CHD2: variants seen among roughly 807,000 people sequenced by gnomAD.
CHD2 encodes the protein chromodomain helicase DNA binding protein 2, also known as ATP-dependent chromatin remodeler CHD2.
CHD2 carries 28 observed loss-of-function variants against 243.9 expected under a neutral mutation model. That is an observed-to-expected ratio of 0.11 (90% CI 0.09 to 0.16). CHD2 has a LOEUF of 0.16. CHD2 is among the 10% of genes least tolerant of loss of function. The pLI is 1.00. For synonymous variants in CHD2, 775 were observed against 779.0 expected (o/e 0.99, Z 0.09); for missense variants, 1,386 against 2,209.8 (o/e 0.63, Z 7.47).
intron 37 of CHD2, among the ~76,000 whole-genome samples, chr15:93,015,713 T>C (rs1030321119): frequency 6.6e-6 from 1 of 152,166 alleles, no homozygotes; most frequent in Admixed American, 6.5e-5. Context: ...GAATAGACAT[T>C]TCTCAAAAGA....
chr15:92,983,928 C>T (rs542179720), intron 24 of CHD2, among the ~76,000 whole-genome samples: 20 of 152,232 alleles, frequency 1.3e-4, no homozygotes, highest in African/African-American at 4.8e-4. Flanking sequence ...TTCAAATGAA[C>T]TCTATACAAC....
At chr15:92,990,918 G>C (rs979848863) in intron 26 of CHD2, among the ~76,000 whole-genome samples, 5 of 152,068 alleles carry the variant, frequency 3.3e-5, no homozygotes, top group African/African-American at 9.7e-5. Context: ...TGGGAGGAGA[G>C]GTCAGTAGAG....
intron 2 of CHD2, among the ~76,000 whole-genome samples, chr15:92,912,506 A>G (rs2052756029): frequency 6.6e-6 from 1 of 151,622 alleles, no homozygotes; most frequent in Non-Finnish European, 1.5e-5. Flanking sequence ...ACAGGTGTGC[A>G]CCACCGTGCC....
intron 26 of CHD2, 45 bp downstream of exon 26, chr15:92,985,718 A>G (rs1160761104): frequency 1.4e-5 from 22 of 1,571,020 alleles, no homozygotes; most frequent in Non-Finnish European, 1.9e-5. Context: ...GAAAGTGCGT[A>G]CTGTAAGTCT....
chr15:93,014,192 T>A (rs1231091933), intron 36 of CHD2, among the ~76,000 whole-genome samples: 3 of 152,178 alleles, frequency 2.0e-5, no homozygotes, highest in Non-Finnish European at 2.9e-5. Flanking sequence ...TTTGGGTCAC[T>A]TTATTTTTTT....
chr15:93,020,013 T>C lies in CHD2; in HGVS notation c.4908T>C (p.Asp1636=). The C allele has an allele frequency of 2.5e-6, 4 of 1,609,064 alleles. No homozygotes were observed. The highest frequency in any genetic ancestry group is 3.4e-6 in the Non-Finnish European group (4 of 1,175,890). ...AGATCATTCTTTCTTTTCCTGCAGA[T>C]CGAGGAGACTGGCAGAGGGAAAGAA... ...HPNKRHFSNA[D]RGDWQRERKF... Residue 1636 remains aspartate (D), a splice_region_variant and synonymous_variant, in exon 38 of 39, where the codon GAT becomes GAC. Coordinates refer to ENST00000394196, the MANE Select transcript of CHD2 (RefSeq NM_001271.4).
intron 37 of CHD2, among the ~76,000 whole-genome samples, chr15:93,015,735 T>C (rs936332266): frequency 6.6e-6 from 1 of 152,172 alleles, no homozygotes; most frequent in African/African-American, 2.4e-5. Flanking sequence ...GACATACAGA[T>C]TGCCAACAGG....
intron 16 of CHD2, among the ~76,000 whole-genome samples, chr15:92,960,712 T>TG: frequency 7.1e-6 from 1 of 140,404 alleles, no homozygotes; most frequent in Non-Finnish European, 1.6e-5. Context: ...GGTGTTTTTT[T>TG]TTTTTTTTTT....
At chr15:93,005,166 T>C (rs552309259) in intron 34 of CHD2, among the ~76,000 whole-genome samples, 2 of 152,286 alleles carry the variant, frequency 1.3e-5, no homozygotes, top group East Asian at 3.9e-4. Flanking sequence ...ACACAAATCA[T>C]GTTGGTGCCC....
At chr15:93,023,704 A>G (rs1567168253) in intron 38 of CHD2, among the ~76,000 whole-genome samples, 1 of 148,828 alleles carries the variant, frequency 6.7e-6, no homozygotes, top group Non-Finnish European at 1.5e-5. Flanking sequence ...GAGTATCTCC[A>G]TCTTCGTGGG....
At chr15:92,945,535 G>C (rs2053451426) in intron 10 of CHD2, 1 of 174,984 alleles carries the variant, frequency 5.7e-6, no homozygotes, top group African/African-American at 2.4e-5. Flanking sequence ...GGGATTACAG[G>C]CACCCCCCAC....
chr15:92,945,402 T>TG (rs1440524398), intron 10 of CHD2: 1 of 147,660 alleles, frequency 6.8e-6, no homozygotes, highest in Non-Finnish European at 1.5e-5. Context: ...CTTCTTTTTT[T>TG]TTTTTTTGAG....
At chr15:92,971,718 TTC>T (rs745542670) in intron 17 of CHD2, 45 bp from the exon 18 acceptor site, 7 of 1,550,302 alleles carry the variant, frequency 4.5e-6, no homozygotes, top group Middle Eastern at 1.7e-4. Flanking sequence ...ACCTACAACT[TTC>T]TGTTTTTTTG....
chr15:92,933,724 G>T (rs957041964), intron 5 of CHD2, among the ~76,000 whole-genome samples: 11 of 152,094 alleles, frequency 7.2e-5, no homozygotes, highest in African/African-American at 2.2e-4. Flanking sequence ...TCCCACCTTA[G>T]CCTCCTGAGT....
intron 3 of CHD2, among the ~76,000 whole-genome samples, chr15:92,925,482 T>G (rs1007969148): frequency 1.2e-4 from 18 of 152,238 alleles, no homozygotes; most frequent in African/African-American, 4.3e-4. Context: ...CTAGAATGCC[T>G]GGCTGGTATC....
intron 16 of CHD2, chr15:92,965,452 A>G (rs2053745774): frequency 7.5e-6 from 1 of 132,506 alleles, no homozygotes; most frequent in East Asian, 2.1e-4. Context: ...GCTGCTCAGG[A>G]GGCTGATGCA....
chr15:93,024,544 C>A lies in CHD2; in HGVS notation c.5326C>A (p.Pro1776Thr). 6.2e-7 allele frequency: 1 copy of A among 1,614,238 alleles called. No individual in the cohort carries two copies. The highest frequency in any genetic ancestry group is 1.1e-5 in the South Asian group (1 of 91,082). The change falls in exon 39 of 39, where the codon CCT becomes ACT. Residue 1776 changes from proline (P) to threonine (T), a missense_variant. Pro to Thr is a conservative substitution (Grantham distance 38). Coordinates refer to ENST00000394196, the MANE Select transcript of CHD2 (RefSeq NM_001271.4). ...HTDKLGEYKQ[P>T]LPPLHPAVSD... is the part of the protein sequence containing the mutation. Reference sequence around the variant, plus strand: ...AGATAAACTGGGGGAATATAAACAGCCTCTACCCCCATTGCACCCTGCAGT... The same window carrying A: ...AGATAAACTGGGGGAATATAAACAGACTCTACCCCCATTGCACCCTGCAGT...
chr15:93,020,114 A>G lies in CHD2; in HGVS notation c.5009A>G (p.Tyr1670Cys), dbSNP rs897082911. ...CACCATCAGTATGAGCAGCACTGGT[A>G]CAAGGACCACCATTATGGGGACCGG... ...DRHHQYEQHW[Y>C]KDHHYGDRRH... is the part of the protein sequence containing the mutation. Residue 1670 changes from tyrosine to cysteine, a missense_variant, in exon 38 of 39, where the codon TAC becomes TGC. Tyr to Cys is a radical substitution (Grantham distance 194). Coordinates refer to ENST00000394196, the MANE Select transcript of CHD2 (RefSeq NM_001271.4). 1 of 1,614,092 alleles carries G rather than the reference A, an allele frequency of 6.2e-7. No individual in the cohort carries two copies. The highest frequency in any genetic ancestry group is 1.7e-5 in the Admixed American group (1 of 60,002).
In CHD2 at chr15:92,939,635, A is replaced by C; in HGVS notation, c.609A>C (p.Lys203Asn). 2 of 1,614,126 alleles carry C rather than the reference A, an allele frequency of 1.2e-6. No individual in the cohort carries two copies. The highest frequency in any genetic ancestry group is 1.7e-6 in the Non-Finnish European group (2 of 1,180,010). The change falls in exon 7 of 39, where the codon AAA becomes AAC. Residue 203 changes from lysine (K) to asparagine (N), a missense_variant. Lys to Asn is a moderately conservative substitution (Grantham distance 94, BLOSUM62 0). This residue lies in a region of CHD2 where 90 missense variants were observed against 78.0 expected (regional missense o/e 1.15). Coordinates refer to ENST00000394196, the MANE Select transcript of CHD2 (RefSeq NM_001271.4). Reference protein sequence around the residue: ...KQPKTQRGKRKKQDSSDEDDD... With the variant: ...KQPKTQRGKRNKQDSSDEDDD... ...CGAAGACTCAGCGTGGAAAGAGAAA[A>C]AAGCAAGATTCTTCTGATGAGGATG...
Sources: gnomAD v4.1 joint callset for allele counts (sites outside exome capture counted in the v4.1 genomes callset) on GRCh38, gnomAD v4.1.1 for gene constraint, gnomAD v4.1.1 regional missense constraint, MANE v1.5 for transcripts, NCBI Gene and HGNC (gene_info 2026-07-23, HGNC 2026-07-21) for gene names.